The following KLHL28 variants were observed in gnomAD, a reference collection of about 807,000 sequenced individuals.
KLHL28 encodes kelch like family member 28, also known as kelch-like protein 28.
Under a neutral mutation model 48.3 loss-of-function variants are expected in KLHL28, and 22 were observed. The ratio of observed to expected loss-of-function variants is 0.46; its 90% CI spans 0.33 to 0.65. The LOEUF is 0.65. Ranked by LOEUF, KLHL28 falls within the 30% of genes least tolerant of loss-of-function variation. KLHL28 has a pLI of 0.03. For missense variants in KLHL28, 527 were observed against 704.3 expected, an observed-to-expected ratio of 0.75 and a Z score of 2.85; for synonymous variants, 243 against 242.4, an observed-to-expected ratio of 1.00 and a Z score of -0.02.
intron 2 of KLHL28, among the ~76,000 whole-genome samples, chr14:44,940,344 A>C (rs1458860381): frequency 1.3e-5 from 2 of 152,228 alleles, no homozygotes; most frequent in Non-Finnish European, 2.9e-5. Flanking sequence ...AGAGGGCAAT[A>C]ATAATCAGTT....
At chr14:44,944,287 T>G (rs949451375) in intron 2 of KLHL28, among the ~76,000 whole-genome samples, 10 of 152,220 alleles carry the variant, frequency 6.6e-5, no homozygotes, top group Non-Finnish European at 1.5e-4. Context: ...ACTAGCTATT[T>G]TTATAAATAA....
chr14:44,961,462 GAAACGTTGCCAA>G (rs1381330068), intron 1 of KLHL28: 2 of 152,092 alleles, frequency 1.3e-5, no homozygotes, highest in African/African-American at 4.8e-5. Context: ...TGAGGGTAAG[GAAACGTTGCCAA>G]AAACAAACAA....
rs35728857 is a variant in KLHL28 at position 44,934,413 on chromosome 14, T to C, written c.1045A>G (p.Ile349Val). The C allele has an allele frequency of 5.2e-3, 8,397 of 1,614,140 alleles. 34 individuals carry two copies. The highest frequency in any genetic ancestry group is 6.4e-3 in the Non-Finnish European group (7,544 of 1,180,020). Residue 349 changes from isoleucine to valine, a missense_variant, in exon 3 of 5, where the codon ATC (isoleucine) becomes GTC (valine). Transcript: ENST00000396128. Reference sequence around the variant, plus strand: ...TCCACTGAATTTTCATGTTTTCTGATAGTGACGCCAGGACGCACATTAGTT... The same window carrying C: ...TCCACTGAATTTTCATGTTTTCTGACAGTGACGCCAGGACGCACATTAGTT... ...IATNVRPGVT[I>V]RKHENSVECW... is the part of the protein sequence containing the mutation.
chr14:44,934,677 A>C, intron 2 of KLHL28, 119 bp from the exon 3 acceptor site: 1 of 743,828 alleles, frequency 1.3e-6, no homozygotes, highest in Admixed American at 3.6e-5. Context: ...AAACCATGAC[A>C]CACCTTCCAA....
chr14:44,948,055 TC>T (rs1884411483), intron 1 of KLHL28, among the ~76,000 whole-genome samples: 4 of 152,162 alleles, frequency 2.6e-5, no homozygotes, highest in Admixed American at 2.6e-4. Flanking sequence ...CTATGTAACT[TC>T]TTTTAGCCTC....
At chr14:44,950,547 A>G (rs1386257465) in intron 1 of KLHL28, among the ~76,000 whole-genome samples, 1 of 152,196 alleles carries the variant, frequency 6.6e-6, no homozygotes, top group Admixed American at 6.5e-5. Context: ...GTATGTACAC[A>G]CACAACACAT....
intron 1 of KLHL28, among the ~76,000 whole-genome samples, chr14:44,961,437 G>A (rs1028713697): frequency 6.6e-6 from 1 of 151,974 alleles, no homozygotes; most frequent in Non-Finnish European, 1.5e-5. Flanking sequence ...ACGTTGTAAA[G>A]AAAACGCAAA....
At chr14:44,932,233 G>A (rs1041761757) in intron 3 of KLHL28, among the ~76,000 whole-genome samples, 18 of 107,884 alleles carry the variant, frequency 1.7e-4, no homozygotes, top group Non-Finnish European at 2.4e-4. Flanking sequence ...AAGGGGAAAA[G>A]AAGAGGAAGA....
At chr14:44,935,979 G>C (rs1223995639) in intron 2 of KLHL28, among the ~76,000 whole-genome samples, 1 of 145,720 alleles carries the variant, frequency 6.9e-6, no homozygotes, top group African/African-American at 2.5e-5. Flanking sequence ...CATAAAAAAA[G>C]TCCTCCATCC....
At chr14:44,935,896 A>ATATATATATATATATATATATATATC (rs1262402616) in intron 2 of KLHL28, among the ~76,000 whole-genome samples, 1 of 123,486 alleles carries the variant, frequency 8.1e-6, no homozygotes, top group African/African-American at 2.7e-5. Flanking sequence ...GTGTGTATAT[A>ATATATATATATATATATATATATATC]TATATATCTT....
intron 1 of KLHL28, chr14:44,959,507 C>G (rs964082805): frequency 1.3e-5 from 2 of 152,018 alleles, no homozygotes; most frequent in African/African-American, 4.8e-5. Flanking sequence ...TTCAATATTC[C>G]TGGATGTCTG....
intron 4 of KLHL28, among the ~76,000 whole-genome samples, chr14:44,930,675 T>A (rs1258372181): frequency 3.3e-5 from 5 of 152,222 alleles, no homozygotes; most frequent in Non-Finnish European, 7.3e-5. Flanking sequence ...TAAGCATAAT[T>A]CAAATATTCC....
At chr14:44,960,997 T>A in intron 1 of KLHL28, 1 of 913,940 alleles carries the variant, frequency 1.1e-6, no homozygotes, top group South Asian at 1.5e-5. Context: ...GTATTATTCC[T>A]TCAAAAAAAA....
At chr14:44,936,925 C>T (rs1367606423) in intron 2 of KLHL28, among the ~76,000 whole-genome samples, 2 of 152,070 alleles carry the variant, frequency 1.3e-5, no homozygotes, top group African/African-American at 2.4e-5. Context: ...GACAAAGACT[C>T]ATTGGAGGGT....
At chr14:44,941,176 C>T (rs1342590631) in intron 2 of KLHL28, among the ~76,000 whole-genome samples, 2 of 152,094 alleles carry the variant, frequency 1.3e-5, no homozygotes, top group East Asian at 1.9e-4. Flanking sequence ...TAAAACCAAA[C>T]AAAACTTCCC....
Position 44,926,530 on chromosome 14 carries a change from G to T in KLHL28, c.*2498C>A, listed in dbSNP as rs1473304254. 6.6e-6 allele frequency: 1 copy of T among 151,308 alleles called. No individual in the cohort carries two copies. The highest frequency in any genetic ancestry group is 2.1e-4 in the South Asian group (1 of 4,806). The allele number at this position is 151,308 out of a possible 1,614,324, so 9.4% of individuals were successfully genotyped here. A position where few individuals can be genotyped will look rare whatever the true frequency, so the allele number is the denominator to read the frequency against. On this transcript the variant is annotated 3_prime_UTR_variant, in exon 5 of 5. Transcript: ENST00000396128. ...AAAATCTTTTTTTTTTTTTGAGGTG[G>T]AGTTTCACTCTTGTTGCCCAGGCTG... is the stretch of plus-strand genomic sequence containing the variant.
At chr14:44,936,831 T>C (rs893015798) in intron 2 of KLHL28, among the ~76,000 whole-genome samples, 2 of 152,138 alleles carry the variant, frequency 1.3e-5, no homozygotes, top group African/African-American at 2.4e-5. Flanking sequence ...CTAGGCAAGA[T>C]GGAAGATAAG....
chr14:44,951,256 G>A (rs1368471425), intron 1 of KLHL28, among the ~76,000 whole-genome samples: 1 of 152,196 alleles, frequency 6.6e-6, no homozygotes, highest in East Asian at 1.9e-4. Context: ...AGAGGTGAGT[G>A]GAAAATTGGG....
Position 44,929,001 on chromosome 14 carries a change from C to T in KLHL28, c.*27G>A. 1 of 1,609,670 alleles carries T rather than the reference C, an allele frequency of 6.2e-7. No homozygotes were observed. The highest frequency in any genetic ancestry group is 1.1e-5 in the South Asian group (1 of 90,778). On this transcript the variant is annotated 3_prime_UTR_variant, in exon 5 of 5. Coordinates refer to ENST00000396128, the MANE Select transcript of KLHL28 (RefSeq NM_017658.5). ...GTTCATGCAGTACAAGTTTCACCAC[C>T]ATACTATTTCCGAGAGTTCACATTT...
Sources: gnomAD v4.1 joint callset for allele counts (sites outside exome capture counted in the v4.1 genomes callset) on GRCh38, gnomAD v4.1.1 for gene constraint, MANE v1.5 for transcripts, NCBI Gene and HGNC (gene_info 2026-07-23, HGNC 2026-07-21) for gene names.